The following RAI14 variants were observed in gnomAD, a reference collection of about 807,000 sequenced individuals.
RAI14 encodes retinoic acid induced 14.
In RAI14, 45 loss-of-function variants were observed where a neutral mutation model predicts 115.4. The ratio of observed to expected loss-of-function variants is 0.39; its 90% CI spans 0.31 to 0.50. The LOEUF is 0.50. Among genes scored for constraint, RAI14 ranks in the 20% least tolerant of loss-of-function variants. The pLI is 0.85. For synonymous variants in RAI14, 371 were observed against 415.4 expected (o/e 0.89, Z 1.30); for missense variants, 939 against 1,131.2 (o/e 0.83, Z 2.44).
At chr5:34,799,783 G>A (rs1754044319) in intron 4 of RAI14, among the ~76,000 whole-genome samples, 1 of 148,816 alleles carries the variant, frequency 6.7e-6, no homozygotes, top group Admixed American at 6.8e-5. Flanking sequence ...CGCCTCCCGG[G>A]TTCACGCCAT....
chr5:34,735,643 G>A, intron 2 of RAI14, among the ~76,000 whole-genome samples: 1 of 152,208 alleles, frequency 6.6e-6, no homozygotes, highest in Non-Finnish European at 1.5e-5. Context: ...ACTAGAAAAT[G>A]TGAACACTCT....
chr5:34,826,523 T>C lies in RAI14; in HGVS notation c.2799+44T>C, dbSNP rs200684016. ...GCTGCCTGGTTTGGGGTGGAGGGCC[T>C]GGCAGATTTCCTACCATCTCAGCTG... On this transcript the variant is annotated intron_variant, in intron 16 of 17. Coordinates refer to ENST00000265109, the MANE Select transcript of RAI14 (RefSeq NM_015577.3). 880 of 1,589,432 alleles carry C rather than the reference T, an allele frequency of 5.5e-4. 6 individuals are homozygous for C. In the African/African-American group the frequency reaches 0.011, roughly 19 times the overall value.
intron 1 of RAI14, among the ~76,000 whole-genome samples, chr5:34,680,589 C>T (rs1032568084): frequency 5.3e-5 from 8 of 152,134 alleles, no homozygotes; most frequent in Non-Finnish European, 1.0e-4. Flanking sequence ...CCATAGCTTA[C>T]GGGACCACTT....
chr5:34,687,512 C>T (rs1737995736), intron 2 of RAI14: 1 of 1,343,386 alleles, frequency 7.4e-7, no homozygotes, highest in East Asian at 2.7e-5. Context: ...TTGGAGGAAG[C>T]AGTTATGATG....
Position 34,812,176 on chromosome 5 carries a change from ATAGATT to A in RAI14, c.737-1_741del. 1 of 1,578,366 alleles carries A rather than the reference ATAGATT, an allele frequency of 6.3e-7. No homozygotes were observed. Among genetic ancestry groups the A allele is most frequent in the Non-Finnish European group, 8.7e-7 (1 of 1,152,700 alleles). On this transcript the variant is annotated splice_acceptor_variant and splice_polypyrimidine_tract_variant and coding_sequence_variant and intron_variant, in exon 10 of 18. Coordinates refer to ENST00000265109, the MANE Select transcript of RAI14 (RefSeq NM_015577.3). LOFTEE classifies it high-confidence loss of function. The stretch of plus-strand genomic sequence containing the variant: ...AGTTCTTTTTTTCACTTTTTCCTCT[ATAGATT>A]TAAAGACCCCAACAAAACCAAAGCA...
chr5:34,731,178 G>A (rs890234938), intron 2 of RAI14, among the ~76,000 whole-genome samples: 3 of 152,168 alleles, frequency 2.0e-5, no homozygotes, highest in African/African-American at 7.2e-5. Flanking sequence ...GAATATTAAA[G>A]TATGGGTGTG....
intron 2 of RAI14, among the ~76,000 whole-genome samples, chr5:34,709,614 C>G (rs1367752636): frequency 6.6e-6 from 1 of 152,202 alleles, no homozygotes; most frequent in Non-Finnish European, 1.5e-5. Flanking sequence ...TAATCTCAGA[C>G]AGTTCTTAAC....
At chr5:34,711,102 T>A (rs1484782075) in intron 2 of RAI14, among the ~76,000 whole-genome samples, 1 of 152,134 alleles carries the variant, frequency 6.6e-6, no homozygotes, top group East Asian at 1.9e-4. Flanking sequence ...AGATGAGGCC[T>A]TTGGGAAGTG....
chr5:34,739,648 A>G (rs1745257524), intron 2 of RAI14, among the ~76,000 whole-genome samples: 1 of 152,174 alleles, frequency 6.6e-6, no homozygotes, highest in Admixed American at 6.5e-5. Context: ...ATTATCTGTT[A>G]AGCCCAGTGT....
intron 2 of RAI14, among the ~76,000 whole-genome samples, chr5:34,735,843 A>G (rs1744795184): frequency 6.6e-6 from 1 of 152,248 alleles, no homozygotes; most frequent in Admixed American, 6.5e-5. Context: ...TTTTGTCTGT[A>G]CAATTCCAGT....
At chr5:34,776,886 G>C (rs1246356010) in intron 3 of RAI14, among the ~76,000 whole-genome samples, 1 of 151,542 alleles carries the variant, frequency 6.6e-6, no homozygotes, top group Middle Eastern at 3.2e-3. Flanking sequence ...ACAAGGAAAA[G>C]AGCTGGGTGC....
chr5:34,725,716 A>G (rs1036417790), intron 2 of RAI14, among the ~76,000 whole-genome samples: 1 of 152,124 alleles, frequency 6.6e-6, no homozygotes, highest in Non-Finnish European at 1.5e-5. Context: ...CTGTAATCCC[A>G]GCACTTTGGG....
intron 1 of RAI14, among the ~76,000 whole-genome samples, chr5:34,662,824 G>A (rs909277029): frequency 1.4e-5 from 2 of 141,174 alleles, no homozygotes; most frequent in African/African-American, 5.3e-5. Flanking sequence ...CGCCTCTCAA[G>A]TTCAATCAAT....
intron 2 of RAI14, among the ~76,000 whole-genome samples, chr5:34,736,955 G>A (rs1446524061): frequency 6.6e-6 from 1 of 152,188 alleles, no homozygotes; most frequent in African/African-American, 2.4e-5. Flanking sequence ...TGGTAGGCAA[G>A]CAGGCATTAT....
chr5:34,785,706 T>G (rs1322703353), intron 3 of RAI14, among the ~76,000 whole-genome samples: 1 of 152,180 alleles, frequency 6.6e-6, no homozygotes, highest in African/African-American at 2.4e-5. Flanking sequence ...TATCAGTAAT[T>G]TTATTCACCC....
intron 3 of RAI14, among the ~76,000 whole-genome samples, chr5:34,766,856 T>TGG (rs974467394): frequency 6.6e-6 from 1 of 152,216 alleles, no homozygotes; most frequent in Admixed American, 6.5e-5. Flanking sequence ...CTACATATTG[T>TGG]GGGGGTACCC....
rs534581498 is a variant in RAI14 at position 34,825,618 on chromosome 5, C to T, written c.2650-712C>T. On this transcript the variant is annotated intron_variant, in intron 15 of 17. Coordinates refer to ENST00000265109, the MANE Select transcript of RAI14 (RefSeq NM_015577.3). ...AGGAAGGGGGAGGAATGTGGGGAGC[C>T]GGCAATTTGAGATGGCGCTGGACAC... Among the ~76,000 whole-genome samples the T allele has an allele frequency of 4.6e-5, 7 of 152,044 alleles. No individual in the cohort carries two copies. In the South Asian group the frequency reaches 1.0e-3, roughly 23 times the overall value.
chr5:34,778,178 C>T (rs1751122491), intron 3 of RAI14, among the ~76,000 whole-genome samples: 1 of 152,112 alleles, frequency 6.6e-6, no homozygotes, highest in African/African-American at 2.4e-5. Context: ...GAAAAAATGA[C>T]AGTGTGAAGT....
intron 2 of RAI14, among the ~76,000 whole-genome samples, chr5:34,721,176 G>A (rs541851121): frequency 2.6e-5 from 4 of 150,998 alleles, no homozygotes; most frequent in South Asian, 4.2e-4. Context: ...TAAGGTCTTC[G>A]GCCTCCCGTT....
Sources: allele counts gnomAD v4.1 joint callset (sites outside exome capture counted in the v4.1 genomes callset), GRCh38; gene constraint gnomAD v4.1.1; transcripts MANE v1.5; gene names NCBI Gene and HGNC (gene_info 2026-07-23, HGNC 2026-07-21).